Variants in CNIH3 observed in about 807,000 individuals in gnomAD.
CNIH3 encodes cornichon family AMPA receptor auxiliary protein 3, also known as protein cornichon homolog 3.
CNIH3 carries 14 observed loss-of-function variants against 24.1 expected under a neutral mutation model. The ratio of observed to expected loss-of-function variants is 0.58; its 90% CI spans 0.38 to 0.91. The LOEUF (loss-of-function observed/expected upper bound fraction) is 0.91, where lower values mean the gene tolerates loss of function less well. Ranked by LOEUF, CNIH3 falls within the 40% of genes least tolerant of loss-of-function variation. The probability of loss-of-function intolerance (pLI) is 0.00; values close to 1 mark genes in which losing one functional copy is unlikely to be tolerated. For missense variants in CNIH3, 178 were observed against 196.8 expected, an observed-to-expected ratio of 0.90 and a Z score of 0.57; for synonymous variants, 68 against 73.8, an observed-to-expected ratio of 0.92 and a Z score of 0.40.
At chr1:224,479,485 A>G (rs979368541) in intron 1 of CNIH3, among the ~76,000 whole-genome samples, 2 of 152,168 alleles carry the variant, frequency 1.3e-5, no homozygotes, top group Non-Finnish European at 2.9e-5. Flanking sequence ...TTTCAGCATT[A>G]ACTCAAAAGT....
chr1:224,596,704 C>T (rs1270733234), intron 3 of CNIH3, among the ~76,000 whole-genome samples: 1 of 152,098 alleles, frequency 6.6e-6, no homozygotes, highest in East Asian at 1.9e-4. Context: ...TTGTTATTTC[C>T]CAAATGACTA....
At chr1:224,672,636 T>C (rs1313823361) in intron 1 of CNIH3, among the ~76,000 whole-genome samples, 1 of 152,212 alleles carries the variant, frequency 6.6e-6, no homozygotes, top group Non-Finnish European at 1.5e-5. Context: ...TGGCCTTCAC[T>C]GTGTGGCTTT....
chr1:224,702,167 C>T lies in CNIH3; in HGVS notation c.198+17324C>T, dbSNP rs866813095. On this transcript the variant is annotated intron_variant, in intron 3 of 5. Transcript: ENST00000272133. ...CTAGTTTTTTCCCCACATACCATTA[C>T]ATCACCGATACCCTTGTAGGTCAAT... is the stretch of plus-strand genomic sequence containing the variant. 5.3e-5 allele frequency among the ~76,000 whole-genome samples: 8 copies of T among 152,260 alleles called. 1 individual carries two copies. In the Middle Eastern group the frequency reaches 0.014, roughly 259 times the overall value.
intron 1 of CNIH3, among the ~76,000 whole-genome samples, chr1:224,675,183 G>A (rs529100773): frequency 2.6e-5 from 4 of 152,310 alleles, no homozygotes; most frequent in Non-Finnish European, 5.9e-5. Context: ...TACAAAAATA[G>A]GGGTGGCTCC....
At chr1:224,463,776 T>TATTTATTTA (rs1558083158) in intron 1 of CNIH3, among the ~76,000 whole-genome samples, 7 of 15,514 alleles carry the variant, frequency 4.5e-4, no homozygotes, top group African/African-American at 1.0e-3. Flanking sequence ...TGTCCTCATT[T>TATTTATTTA]TTTTTTTTTT....
intron 1 of CNIH3, among the ~76,000 whole-genome samples, chr1:224,637,036 C>G (rs1684120295): frequency 6.6e-6 from 1 of 151,320 alleles, no homozygotes; most frequent in Admixed American, 6.6e-5. Flanking sequence ...ACTGCAACCT[C>G]CGCCTCCCGG....
chr1:224,569,587 T>A (rs1384006208), intron 4 of CNIH3, among the ~76,000 whole-genome samples: 2 of 152,154 alleles, frequency 1.3e-5, no homozygotes, highest in Non-Finnish European at 2.9e-5. Flanking sequence ...TCTTCATTCT[T>A]GCTAGATTAT....
In CNIH3 at chr1:224,469,369, ACT is replaced by A. The variant is rs59415176; in HGVS notation, n.203+34510_203+34511del. On this transcript the variant is annotated intron_variant and non_coding_transcript_variant, in intron 1 of 5. Transcript: ENST00000471578. ...ACTGCTGGGATTACAGGTGTGAGCC[ACT>A]CTGCCCAGCCTGATTTTTCTTCTTT... is the stretch of plus-strand genomic sequence containing the variant. Among the ~76,000 whole-genome samples, 1,483 of 152,162 alleles carry A rather than the reference ACT, an allele frequency of 9.7e-3. 21 individuals carry two copies. Among genetic ancestry groups the A allele is most frequent in the African/African-American group, 0.033 (1,374 of 41,484 alleles).
chr1:224,650,119 A>G (rs956905236), intron 1 of CNIH3, among the ~76,000 whole-genome samples: 10 of 152,296 alleles, frequency 6.6e-5, no homozygotes, highest in African/African-American at 2.2e-4. Context: ...TGCATTATAC[A>G]CAACCTAAGT....
intron 4 of CNIH3, among the ~76,000 whole-genome samples, chr1:224,581,018 C>G (rs1490949680): frequency 6.6e-6 from 1 of 152,038 alleles, no homozygotes; most frequent in Non-Finnish European, 1.5e-5. Flanking sequence ...TGAGGGAGGC[C>G]CCCAGTGGAA....
intron 3 of CNIH3, among the ~76,000 whole-genome samples, chr1:224,699,581 G>A (rs1293580140): frequency 6.6e-6 from 1 of 152,180 alleles, no homozygotes; most frequent in Non-Finnish European, 1.5e-5. Flanking sequence ...CTGTGTGTCC[G>A]TGTCCTAATT....
chr1:224,443,072 G>A (rs1208006469), intron 1 of CNIH3, among the ~76,000 whole-genome samples: 10 of 152,174 alleles, frequency 6.6e-5, no homozygotes, highest in African/African-American at 2.4e-4. Context: ...CAAAGGTAGA[G>A]TTCATTTCTC....
chr1:224,736,463 A>T (rs1689597349), intron 5 of CNIH3, among the ~76,000 whole-genome samples: 1 of 152,214 alleles, frequency 6.6e-6, no homozygotes, highest in Non-Finnish European at 1.5e-5. Flanking sequence ...ACCTCTAGAA[A>T]AGTCTTCATC....
chr1:224,510,996 G>A (rs1373618306), upstream of CNIH3, among the ~76,000 whole-genome samples: 1 of 152,176 alleles, frequency 6.6e-6, no homozygotes, highest in African/African-American at 2.4e-5. Context: ...ATGTGGTTTG[G>A]GTTGTCCCTG....
At chr1:224,479,865 G>T (rs1053408408) in intron 1 of CNIH3, among the ~76,000 whole-genome samples, 1 of 152,184 alleles carries the variant, frequency 6.6e-6, no homozygotes, top group Non-Finnish European at 1.5e-5. Context: ...GCTTTTCCAG[G>T]CACATGCTGC....
chr1:224,574,861 C>T, intron 4 of CNIH3: 1 of 968,744 alleles, frequency 1.0e-6, no homozygotes, highest in Non-Finnish European at 1.7e-6. Flanking sequence ...ATTCTGGACA[C>T]ATGGGCGGGC....
intron 1 of CNIH3, among the ~76,000 whole-genome samples, chr1:224,474,478 C>T (rs1676490078): frequency 6.6e-6 from 1 of 151,632 alleles, no homozygotes; most frequent in East Asian, 1.9e-4. Context: ...TTATGGGTAT[C>T]AGTGCCTACA....
intron 5 of CNIH3, among the ~76,000 whole-genome samples, chr1:224,584,357 A>G (rs943696452): frequency 2.6e-5 from 4 of 152,238 alleles, no homozygotes; most frequent in African/African-American, 7.2e-5. Context: ...CTTAAAGACA[A>G]TATTATGCCT....
chr1:224,585,169 C>G (rs542167869), intron 5 of CNIH3, among the ~76,000 whole-genome samples: 1 of 152,190 alleles, frequency 6.6e-6, no homozygotes, highest in African/African-American at 2.4e-5. Flanking sequence ...TGCCTCCAAG[C>G]CTTTGCACTT....
Sources: allele counts gnomAD v4.1 joint callset (sites outside exome capture counted in the v4.1 genomes callset), GRCh38; gene constraint gnomAD v4.1.1; transcripts MANE v1.5; gene names NCBI Gene and HGNC (gene_info 2026-07-23, HGNC 2026-07-21).